Variants in HTT observed in about 807,000 individuals in gnomAD.
The protein encoded by HTT is huntington disease protein.
In HTT, 104 loss-of-function variants were observed where a neutral mutation model predicts 362.3. The ratio of observed to expected loss-of-function variants is 0.29; its 90% CI spans 0.24 to 0.34. The LOEUF is 0.34. Among genes scored for constraint, HTT ranks in the 10% least tolerant of loss-of-function variants. The pLI, the probability that HTT is intolerant of heterozygous loss-of-function variation, is 1.00. For missense variants in HTT, 3,301 were observed against 3,928.6 expected, an observed-to-expected ratio of 0.84 and a Z score of 4.27; for synonymous variants, 1,577 against 1,548.7, an observed-to-expected ratio of 1.02 and a Z score of -0.43.
rs61792466 is a variant in HTT at position 3,074,938 on chromosome 4, A to C, written c.113A>C (p.Gln38Pro). Residue 38 changes from glutamine (Q) to proline (P), a missense_variant, in exon 1 of 67, where the codon CAG becomes CCG. By Grantham distance (76) the Gln-to-Pro change is moderately conservative. Transcript: ENST00000355072. ...CAGCAGCAGCAGCAGCAGCAGCAAC[A>C]GCCGCCACCGCCGCCGCCGCCGCCG... Reference protein sequence around the residue: ...QQQQQQQQQQQPPPPPPPPPP... With the variant: ...QQQQQQQQQQPPPPPPPPPPP... 85,888 of 1,241,542 alleles carry C rather than the reference A, an allele frequency of 0.069. 7,327 individuals carry two copies. The highest frequency in any genetic ancestry group is 0.22 in the East Asian group (6,449 of 28,664). The allele number at this position is 1,241,542 out of a possible 1,614,324, so 76.9% of individuals were successfully genotyped here.
intron 8 of HTT, among the ~76,000 whole-genome samples, 169 bp downstream of exon 8, chr4:3,116,432 T>C (rs1021932381): frequency 6.6e-6 from 1 of 152,204 alleles, no homozygotes; most frequent in Non-Finnish European, 1.5e-5. Context: ...TCCCTCTGTA[T>C]GTCCCTGTCA....
At position 3,214,198 on chromosome 4, in the gene HTT, T is replaced by C. The variant is rs552240071; in HGVS notation, c.6952+63T>C. Reference sequence around the variant, plus strand: ...GTTCCTGTCTGCTTCACCATGTTTTTATTTTGTGCTGCCTGTTTGCCAGGT... The same window carrying C: ...GTTCCTGTCTGCTTCACCATGTTTTCATTTTGTGCTGCCTGTTTGCCAGGT... On this transcript the variant is annotated intron_variant, in intron 50 of 66. Transcript: ENST00000355072. The C allele has an allele frequency of 2.6e-5, 33 of 1,265,836 alleles. 1 individual carries two copies. The South Asian group carries it at 7.0e-4, about 27-fold the overall frequency. The allele number at this position is 1,265,836 out of a possible 1,614,324, so 78.4% of individuals were successfully genotyped here.
intron 22 of HTT, among the ~76,000 whole-genome samples, chr4:3,142,131 A>G (rs1716377919): frequency 6.6e-6 from 1 of 152,202 alleles, no homozygotes; most frequent in Non-Finnish European, 1.5e-5. Context: ...CTTGCGTGAT[A>G]GATACAATGA....
intron 40 of HTT, among the ~76,000 whole-genome samples, chr4:3,197,126 T>C (rs1719290414): frequency 6.6e-6 from 1 of 152,194 alleles, no homozygotes; most frequent in African/African-American, 2.4e-5. Flanking sequence ...GTCTTCTCTG[T>C]CTAGCCACTT....
At chr4:3,141,513 A>G (rs1015328334) in intron 22 of HTT, among the ~76,000 whole-genome samples, 1 of 152,224 alleles carries the variant, frequency 6.6e-6, no homozygotes, top group Non-Finnish European at 1.5e-5. Context: ...CTGTAATCCT[A>G]ACACTTTGGG....
chr4:3,224,705 G>A (rs1720828746), intron 56 of HTT, among the ~76,000 whole-genome samples: 3 of 152,170 alleles, frequency 2.0e-5, no homozygotes, highest in Admixed American at 2.0e-4. Context: ...AAGTATTTTA[G>A]CGTAGAGCTC....
chr4:3,078,718 A>G (rs1319313524), intron 1 of HTT, among the ~76,000 whole-genome samples: 1 of 149,432 alleles, frequency 6.7e-6, no homozygotes, highest in Non-Finnish European at 1.5e-5. Flanking sequence ...ATAGACATGC[A>G]CTGCCATGCC....
At position 3,215,181 on chromosome 4, in the gene HTT, G is replaced by A. The variant is rs866271390; in HGVS notation, c.7024G>A (p.Glu2342Lys). The A allele has an allele frequency of 1.9e-6, 3 of 1,614,048 alleles. No individual in the cohort carries two copies. The highest frequency in any genetic ancestry group is 2.5e-6 in the Non-Finnish European group (3 of 1,179,954). The part of the protein sequence containing the change: ...RTNTPKAISE[E>K]EEEVDPNTQN... ...AAATACCCCAAAAGCCATCAGCGAG[G>A]AGGAGGAGGAAGTAGATCCAAACAC... The change falls in exon 51 of 67, where the codon GAG becomes AAG. Residue 2342 changes from glutamate (E) to lysine (K), a missense_variant. Glu to Lys is a moderately conservative substitution (Grantham distance 56). Coordinates refer to ENST00000355072, the MANE Select transcript of HTT (RefSeq NM_001388492.1).
In HTT at chr4:3,127,539, G is replaced by A. The variant is rs767362413; in HGVS notation, c.1678G>A (p.Asp560Asn). Residue 560 changes from aspartate to asparagine, a missense_variant, in exon 12 of 67, where the codon GAC becomes AAC. Physicochemically the swap from Asp to Asn is conservative, Grantham distance 23 (BLOSUM62 1). This residue lies in a region of HTT where 2,316 missense variants were observed against 2,658.5 expected (regional missense o/e 0.87). Transcript: ENST00000355072. ...DGTQASSPIS[D>N]SSQTTTEGPD... ...GACCCAGGCCTCGTCGCCCATCAGCGACAGCTCCCAGACCACCACCGAAGG... is the reference window on the plus strand; with the variant it reads ...GACCCAGGCCTCGTCGCCCATCAGCAACAGCTCCCAGACCACCACCGAAGG... The A allele has an allele frequency of 8.7e-6, 14 of 1,614,024 alleles. No homozygotes were observed. Among genetic ancestry groups the A allele is most frequent in the South Asian group, 1.1e-5 (1 of 91,092 alleles).
At chr4:3,076,948 T>C (rs186115248) in intron 1 of HTT, among the ~76,000 whole-genome samples, 17 of 152,210 alleles carry the variant, frequency 1.1e-4, no homozygotes, top group Admixed American at 4.6e-4. Flanking sequence ...GAGGCCTAGG[T>C]GGACGAATCA....
intron 39 of HTT, 182 bp downstream of exon 39, chr4:3,188,068 G>T: frequency 1.8e-6 from 1 of 565,930 alleles, no homozygotes; most frequent in Non-Finnish European, 3.2e-6. Context: ...GTTCATACCT[G>T]TCTTGAAGTT....
intron 19 of HTT, 133 bp downstream of exon 19, chr4:3,134,673 A>AT (rs943688687): frequency 9.9e-5 from 71 of 717,584 alleles, no homozygotes; most frequent in Non-Finnish European, 1.5e-4. Context: ...GATGACAGTG[A>AT]TTTTCTCCTC....
chr4:3,209,824 C>T lies in HTT; in HGVS notation c.6292-3C>T. The T allele has an allele frequency of 6.2e-7, 1 of 1,613,512 alleles. No individual in the cohort carries two copies. Among genetic ancestry groups the T allele is most frequent in the Non-Finnish European group, 8.5e-7 (1 of 1,179,696 alleles). ...TTCCCCTTATCCATTTTTTTCTTCCCAGGACTGGTACGTTCATCTTGTCAA... is the reference window on the plus strand; with the variant it reads ...TTCCCCTTATCCATTTTTTTCTTCCTAGGACTGGTACGTTCATCTTGTCAA... On this transcript the variant is annotated splice_region_variant and splice_polypyrimidine_tract_variant and intron_variant, in intron 46 of 66. Coordinates refer to ENST00000355072, the MANE Select transcript of HTT (RefSeq NM_001388492.1).
intron 45 of HTT, among the ~76,000 whole-genome samples, chr4:3,207,995 A>T (rs189912766): frequency 2.6e-5 from 4 of 152,288 alleles, no homozygotes; most frequent in Admixed American, 2.0e-4. Context: ...GAAGGAGAAT[A>T]TAATTATCAT....
intron 27 of HTT, among the ~76,000 whole-genome samples, chr4:3,156,341 A>C (rs891199317): frequency 1.3e-5 from 2 of 152,160 alleles, no homozygotes; most frequent in African/African-American, 2.4e-5. Flanking sequence ...GCTGGTCTCG[A>C]ACTCCTGACC....
chr4:3,090,098 A>G (rs1313633659), intron 2 of HTT, among the ~76,000 whole-genome samples: 16 of 152,244 alleles, frequency 1.1e-4, no homozygotes, highest in Admixed American at 1.0e-3. Context: ...CTCTCCTAAA[A>G]TATAATTAAA....
chr4:3,234,774 T>TG (rs1262839866), intron 61 of HTT, among the ~76,000 whole-genome samples: 2 of 152,026 alleles, frequency 1.3e-5, no homozygotes, highest in Admixed American at 6.5e-5. Flanking sequence ...TTGTGGGTGT[T>TG]GGGGGGCATC....
intron 38 of HTT, 21 bp downstream of exon 38, chr4:3,186,740 A>G (rs1300116028): frequency 1.9e-6 from 3 of 1,610,442 alleles, no homozygotes; most frequent in South Asian, 2.2e-5. Context: ...CGCCTGGCTC[A>G]GCAGATGAAT....
intron 29 of HTT, among the ~76,000 whole-genome samples, chr4:3,165,891 C>A (rs987661730): frequency 5.9e-5 from 9 of 151,934 alleles, no homozygotes; most frequent in Non-Finnish European, 8.8e-5. Context: ...TTATTACCGA[C>A]CTTCTGAAGC....
Sources: allele counts gnomAD v4.1 joint callset (sites outside exome capture counted in the v4.1 genomes callset), GRCh38; gene constraint gnomAD v4.1.1; regional missense constraint gnomAD v4.1.1; transcripts MANE v1.5; gene names NCBI Gene and HGNC (gene_info 2026-07-23, HGNC 2026-07-21).